The following SNX18 variants were observed in gnomAD, a reference collection of about 807,000 sequenced individuals.
SNX18 encodes sorting nexin 18.
SNX18 carries 35 observed loss-of-function variants against 48.7 expected under a neutral mutation model. The observed-to-expected ratio is 0.72, with a 90% CI of 0.55 to 0.95. SNX18 has a LOEUF of 0.95. SNX18 is among the 40% of genes least tolerant of loss of function. The pLI, the probability that SNX18 is intolerant of heterozygous loss-of-function variation, is 0.00. For missense variants in SNX18, 824 were observed against 871.0 expected, an observed-to-expected ratio of 0.95 and a Z score of 0.68; for synonymous variants, 492 against 384.7, an observed-to-expected ratio of 1.28 and a Z score of -3.26.
At chr5:54,594,056 T>C in the SNX18 span, among the ~76,000 whole-genome samples, 1 of 152,214 alleles carries the variant, frequency 6.6e-6, no homozygotes, top group Non-Finnish European at 1.5e-5. Context: ...AAGTAAATTG[T>C]TTCATGTTCA....
the SNX18 span, among the ~76,000 whole-genome samples, chr5:54,614,591 G>A: frequency 1.3e-5 from 2 of 152,082 alleles, no homozygotes; most frequent in African/African-American, 4.8e-5. Context: ...TAAATTGCTT[G>A]AGCTCAAGAG....
chr5:54,554,721 T>A, the SNX18 span, among the ~76,000 whole-genome samples: 2 of 152,224 alleles, frequency 1.3e-5, no homozygotes, highest in Non-Finnish European at 2.9e-5. Context: ...AATAAAATGT[T>A]TTCCATTCTT....
At chr5:54,563,428 A>C in the SNX18 span, among the ~76,000 whole-genome samples, 19 of 152,198 alleles carry the variant, frequency 1.2e-4, no homozygotes, top group Non-Finnish European at 2.4e-4. Context: ...ATTGTGTTAC[A>C]GTTGCCTACA....
the SNX18 span, among the ~76,000 whole-genome samples, chr5:54,635,151 G>A: frequency 2.6e-4 from 39 of 151,536 alleles, 1 homozygote; most frequent in African/African-American, 8.9e-4. Flanking sequence ...TGTGTTTTTT[G>A]TGTTTTCTAG....
the SNX18 span, among the ~76,000 whole-genome samples, chr5:54,589,452 C>T: frequency 6.6e-6 from 1 of 152,294 alleles, no homozygotes; most frequent in South Asian, 2.1e-4. Context: ...AATTCCATTC[C>T]CCTTCAGGGA....
the SNX18 span, among the ~76,000 whole-genome samples, chr5:54,622,427 A>T: frequency 6.6e-6 from 1 of 151,428 alleles, no homozygotes; most frequent in Non-Finnish European, 1.5e-5. Flanking sequence ...TGAGCCCAGG[A>T]GGTTGAGGCT....
In SNX18 at chr5:54,539,046, T is replaced by TC. The variant is rs1461029856; in HGVS notation, c.1622-4133_1622-4132insC. Among the ~76,000 whole-genome samples, 292 of 152,282 alleles carry TC rather than the reference T, an allele frequency of 1.9e-3. 1 individual carries two copies. The highest frequency in any genetic ancestry group is 6.9e-3 in the African/African-American group (286 of 41,566). ...ATTTTATATAGTTTTTATTTTTTAATTTTTTAGACAGGGTCTCACTTTATT... is the reference window on the plus strand; with the variant it reads ...ATTTTATATAGTTTTTATTTTTTAATCTTTTTAGACAGGGTCTCACTTTATT... On this transcript the variant is annotated intron_variant, in intron 1 of 1. Coordinates refer to ENST00000381410, the MANE Select transcript of SNX18 (RefSeq NM_001102575.2).
At chr5:54,536,009 C>T (rs1762345928) in intron 1 of SNX18, among the ~76,000 whole-genome samples, 1 of 152,108 alleles carries the variant, frequency 6.6e-6, no homozygotes, top group African/African-American at 2.4e-5. Flanking sequence ...AAGTTGAACT[C>T]TCAACCAAAA....
At chr5:54,614,584 A>C in the SNX18 span, among the ~76,000 whole-genome samples, 5 of 152,132 alleles carry the variant, frequency 3.3e-5, no homozygotes, top group East Asian at 7.7e-4. Flanking sequence ...AGACAGGTAA[A>C]TTGCTTGAGC....
the SNX18 span, among the ~76,000 whole-genome samples, chr5:54,611,180 T>C: frequency 6.6e-6 from 1 of 152,170 alleles, no homozygotes; most frequent in African/African-American, 2.4e-5. Context: ...GCTAGTCCCT[T>C]GATAAGATAG....
the SNX18 span, among the ~76,000 whole-genome samples, chr5:54,593,091 A>G: frequency 6.6e-6 from 1 of 152,166 alleles, no homozygotes; most frequent in African/African-American, 2.4e-5. Context: ...ATGAGCCACT[A>G]TGCCTGGCCC....
At chr5:54,567,950 G>T in the SNX18 span, among the ~76,000 whole-genome samples, 1 of 152,186 alleles carries the variant, frequency 6.6e-6, no homozygotes, top group African/African-American at 2.4e-5. Context: ...GAAAGCATTG[G>T]TTTCTGGGTT....
intron 1 of SNX18, among the ~76,000 whole-genome samples, chr5:54,522,252 C>T (rs1342600644): frequency 2.6e-5 from 4 of 152,126 alleles, no homozygotes; most frequent in East Asian, 1.9e-4. Context: ...GCTTTCTGAG[C>T]GTATTCAGGA....
the SNX18 span, among the ~76,000 whole-genome samples, chr5:54,570,794 C>A: frequency 6.6e-6 from 1 of 152,180 alleles, no homozygotes; most frequent in Non-Finnish European, 1.5e-5. Context: ...AGTCTTGGCT[C>A]TTCTGGAAAC....
chr5:54,518,046 G>T lies in SNX18; in HGVS notation c.94G>T (p.Glu32Ter), dbSNP rs1278171392. The T allele has an allele frequency of 2.6e-6, 4 of 1,547,498 alleles. No homozygotes were observed. The highest frequency in any genetic ancestry group is 1.9e-5 in the Admixed American group (1 of 52,002). The part of the protein sequence containing the change: ...REHEVLSLCS[E>*]QDIEGWLEGV... Reference sequence around the variant, plus strand: ...GCACGAGGTGCTGAGCCTGTGCAGCGAGCAGGACATCGAGGGCTGGCTCGA... The same window carrying T: ...GCACGAGGTGCTGAGCCTGTGCAGCTAGCAGGACATCGAGGGCTGGCTCGA... Residue 32 changes from glutamate (E) to a stop codon, truncating the protein, a stop_gained, in exon 1 of 2, where the codon GAG becomes TAG. Transcript: ENST00000381410. LOFTEE classifies it high-confidence loss of function.
the SNX18 span, among the ~76,000 whole-genome samples, chr5:54,585,195 G>A: frequency 1.3e-5 from 2 of 151,894 alleles, no homozygotes; most frequent in African/African-American, 4.8e-5. Context: ...AGGAGGCTGA[G>A]GTGGGAAGAT....
chr5:54,607,265 G>A, the SNX18 span, among the ~76,000 whole-genome samples: 1 of 152,266 alleles, frequency 6.6e-6, no homozygotes, highest in East Asian at 1.9e-4. Flanking sequence ...GCCCCCGCCT[G>A]TGTGCAGGAA....
chr5:54,525,168 C>A (rs1762108701), intron 1 of SNX18, among the ~76,000 whole-genome samples: 6 of 152,194 alleles, frequency 3.9e-5, no homozygotes, highest in Admixed American at 3.9e-4. Context: ...CTCACGAGGT[C>A]AGCATGAGAA....
chr5:54,556,600 C>T, the SNX18 span, among the ~76,000 whole-genome samples: 3 of 152,168 alleles, frequency 2.0e-5, no homozygotes, highest in Non-Finnish European at 4.4e-5. Flanking sequence ...TTTTCTCTTG[C>T]CATGAACATA....
Sources: allele counts gnomAD v4.1 joint callset (sites outside exome capture counted in the v4.1 genomes callset), GRCh38; gene constraint gnomAD v4.1.1; transcripts MANE v1.5; gene names NCBI Gene and HGNC (gene_info 2026-07-23, HGNC 2026-07-21).